The following SLC16A9 variants were observed in gnomAD, a reference collection of about 807,000 sequenced individuals.
SLC16A9 encodes the protein solute carrier family 16 member 9.
SLC16A9 carries 26 observed loss-of-function variants against 44.3 expected under a neutral mutation model. That is an observed-to-expected ratio of 0.59 (90% CI 0.43 to 0.81). The LOEUF (loss-of-function observed/expected upper bound fraction) is 0.81. Ranked by LOEUF, SLC16A9 falls within the 40% of genes least tolerant of loss-of-function variation. SLC16A9 has a pLI of 0.00. For missense variants in SLC16A9, 559 were observed against 595.8 expected (o/e 0.94, Z 0.64); for synonymous variants, 230 against 225.1 (o/e 1.02, Z -0.19).
intron 4 of SLC16A9, among the ~76,000 whole-genome samples, chr10:59,655,181 T>C (rs1839321828): frequency 6.6e-6 from 1 of 152,080 alleles, no homozygotes; most frequent in Admixed American, 6.6e-5. Flanking sequence ...TCCCAGCTAC[T>C]TGGGAGGCTG....
At chr10:59,685,559 C>G (rs1840112742) in intron 1 of SLC16A9, among the ~76,000 whole-genome samples, 2 of 152,226 alleles carry the variant, frequency 1.3e-5, no homozygotes, top group African/African-American at 4.8e-5. Flanking sequence ...GGAAGATCTT[C>G]CACATCAATG....
intron 1 of SLC16A9, 110 bp from the exon 2 acceptor site, chr10:59,684,437 GACAT>G: frequency 2.0e-6 from 1 of 497,714 alleles, no homozygotes. Flanking sequence ...GTTCTCCAAA[GACAT>G]ACATGGAAAA....
chr10:59,702,596 T>G (rs895973976), intron 1 of SLC16A9, among the ~76,000 whole-genome samples: 1 of 152,230 alleles, frequency 6.6e-6, no homozygotes, highest in Non-Finnish European at 1.5e-5. Flanking sequence ...ACATCTGCTC[T>G]GAACTTTAAG....
chr10:59,668,157 T>A (rs1242952252), intron 3 of SLC16A9, among the ~76,000 whole-genome samples: 1 of 152,168 alleles, frequency 6.6e-6, no homozygotes, highest in Non-Finnish European at 1.5e-5. Context: ...TCTAAACTGT[T>A]GTCATATAGT....
intron 1 of SLC16A9, among the ~76,000 whole-genome samples, chr10:59,698,739 T>G (rs570381457): frequency 2.0e-5 from 3 of 151,864 alleles, no homozygotes; most frequent in African/African-American, 7.2e-5. Flanking sequence ...TCTCTTTTTT[T>G]TTTTTTCTTT....
In SLC16A9 at chr10:59,651,645, A is replaced by C. The variant is rs1445852745; in HGVS notation, c.*1127T>G. On this transcript the variant is annotated 3_prime_UTR_variant, in exon 6 of 6. Transcript: ENST00000395348. ...CTTTAGAAAAAAAATCAATGTATTA[A>C]ACATTGGAGTTTATCCCAAGGACAT... The C allele has an allele frequency of 1.3e-5, 2 of 152,316 alleles. No individual in the cohort carries two copies. The highest frequency in any genetic ancestry group is 2.4e-5 in the African/African-American group (1 of 41,582). The allele number at this position is 152,316 out of a possible 1,614,324, so 9.4% of individuals were successfully genotyped here. A position where few individuals can be genotyped will look rare whatever the true frequency, so the allele number is the denominator to read the frequency against.
At chr10:59,660,253 AG>A (rs1396742839) in intron 4 of SLC16A9, among the ~76,000 whole-genome samples, 1 of 152,208 alleles carries the variant, frequency 6.6e-6, no homozygotes, top group Admixed American at 6.5e-5. Context: ...ATAGACCGCT[AG>A]CCAGACTAAT....
At chr10:59,699,901 AACACACACACACACACAC>A (rs57820696) in intron 1 of SLC16A9, among the ~76,000 whole-genome samples, 18 of 147,560 alleles carry the variant, frequency 1.2e-4, no homozygotes, top group Admixed American at 4.0e-4. Flanking sequence ...CTGCACTGAA[AACACACACACACACACAC>A]ACACACACAC....
At position 59,709,801 on chromosome 10, in the gene SLC16A9, T is replaced by G. The variant is rs1362158146; in HGVS notation, c.-359A>C. The G allele has an allele frequency of 1.3e-5, 2 of 152,764 alleles. No individual in the cohort carries two copies. Among genetic ancestry groups the G allele is most frequent in the Non-Finnish European group, 2.9e-5 (2 of 68,542 alleles). The allele number at this position is 152,764 out of a possible 1,614,324, so 9.5% of individuals were successfully genotyped here. On this transcript the variant is annotated 5_prime_UTR_variant, in exon 1 of 6. Coordinates refer to ENST00000395348, the MANE Select transcript of SLC16A9 (RefSeq NM_194298.3). ...GCCTTCTCCTCCCCGGGGTTTTCCC[T>G]GCTGTCTTTTTCTCCCTTGTCTCTC... is the stretch of plus-strand genomic sequence containing the variant.
intron 1 of SLC16A9, among the ~76,000 whole-genome samples, chr10:59,698,044 T>C (rs1840440735): frequency 6.6e-6 from 1 of 152,036 alleles, no homozygotes; most frequent in Non-Finnish European, 1.5e-5. Context: ...AGGGTTTTTT[T>C]CTGGTATTGA....
chr10:59,699,896 C>T (rs910051112), intron 1 of SLC16A9, among the ~76,000 whole-genome samples: 5 of 115,186 alleles, frequency 4.3e-5, no homozygotes, highest in African/African-American at 1.6e-4. Context: ...TTCAACTGCA[C>T]TGAAAACACA....
At chr10:59,654,834 G>A (rs1348676532) in intron 4 of SLC16A9, among the ~76,000 whole-genome samples, 1 of 152,118 alleles carries the variant, frequency 6.6e-6, no homozygotes, top group Non-Finnish European at 1.5e-5. Flanking sequence ...CATGTTTAAT[G>A]CTTTTACTGA....
chr10:59,654,835 C>A (rs1260192235), intron 4 of SLC16A9, among the ~76,000 whole-genome samples: 1 of 152,138 alleles, frequency 6.6e-6, no homozygotes, highest in Non-Finnish European at 1.5e-5. Context: ...ATGTTTAATG[C>A]TTTTACTGAT....
intron 2 of SLC16A9, among the ~76,000 whole-genome samples, chr10:59,681,539 G>A (rs59626735): frequency 0.21 from 978 of 4,712 alleles, 403 homozygotes; most frequent in Non-Finnish European, 0.35. Flanking sequence ...ATGTGTATGT[G>A]TATGTATATG....
Position 59,681,690 on chromosome 10 carries a change from GTATATATAT to G in SLC16A9, c.196+2397_196+2405del, listed in dbSNP as rs1335449940. On this transcript the variant is annotated intron_variant, in intron 2 of 5. Coordinates refer to ENST00000395348, the MANE Select transcript of SLC16A9 (RefSeq NM_194298.3). ...TGTATATGTATATGTATATGTATAT[GTATATATAT>G]ATGTATATGTATATGTATATGATGT... Among the ~76,000 whole-genome samples, 20 of 17,542 alleles carry G rather than the reference GTATATATAT, an allele frequency of 1.1e-3. 2 individuals carry two copies. The highest frequency in any genetic ancestry group is 1.7e-3 in the Non-Finnish European group (18 of 10,310). The allele number at this position is 17,542 out of a possible 152,430, so 11.5% of individuals were successfully genotyped here.
Position 59,697,066 on chromosome 10 carries a change from G to T in SLC16A9, c.-37+12413C>A, listed in dbSNP as rs1288900343. ...CTGGCCGCCCCTACTGGGAAGTGAG[G>T]AGCCCCTCTGCCCCGCCAGCCGCCC... On this transcript the variant is annotated intron_variant, in intron 1 of 5. Coordinates refer to ENST00000395348, the MANE Select transcript of SLC16A9 (RefSeq NM_194298.3). Among the ~76,000 whole-genome samples the T allele has an allele frequency of 4.9e-5, 5 of 101,058 alleles. 1 individual carries two copies. 66.3% of individuals were successfully genotyped at this position (101,058 alleles called of 152,430 possible). A position where few individuals can be genotyped will look rare whatever the true frequency, so the allele number is the denominator to read the frequency against.
chr10:59,697,054 C>G (rs1276121383), intron 1 of SLC16A9, among the ~76,000 whole-genome samples: 2 of 100,420 alleles, frequency 2.0e-5, no homozygotes, highest in Non-Finnish European at 4.2e-5. Context: ...GCCGCCCCTA[C>G]TGGGAAGTGA....
chr10:59,655,244 T>G (rs1379273883), intron 4 of SLC16A9, among the ~76,000 whole-genome samples: 7 of 152,074 alleles, frequency 4.6e-5, no homozygotes, highest in African/African-American at 1.7e-4. Flanking sequence ...GAGCCAAGAT[T>G]GCACCACTGC....
At chr10:59,702,849 A>G (rs1840554609) in intron 1 of SLC16A9, among the ~76,000 whole-genome samples, 1 of 152,260 alleles carries the variant, frequency 6.6e-6, no homozygotes, top group African/African-American at 2.4e-5. Flanking sequence ...TTGAAATTCA[A>G]GAACATCCCC....
Sources: gnomAD v4.1 joint callset for allele counts (sites outside exome capture counted in the v4.1 genomes callset) on GRCh38, gnomAD v4.1.1 for gene constraint, MANE v1.5 for transcripts, NCBI Gene and HGNC (gene_info 2026-07-23, HGNC 2026-07-21) for gene names.